Variants in SPAG16 observed in about 807,000 individuals in gnomAD.
The protein encoded by SPAG16 is sperm associated antigen 16, also known as sperm-associated antigen 16 protein.
Under a neutral mutation model 80.4 loss-of-function variants are expected in SPAG16, and 86 were observed. The observed-to-expected ratio is 1.07, with a 90% CI of 0.90 to 1.28. SPAG16 has a LOEUF of 1.28. Among genes scored for constraint, SPAG16 ranks in the 50% most tolerant of loss-of-function variants. The pLI is 0.00. For missense variants in SPAG16, 870 were observed against 765.3 expected (o/e 1.14, Z -1.61); for synonymous variants, 294 against 265.9 (o/e 1.11, Z -1.03).
chr2:213,871,232 C>T (rs1460280036), intron 11 of SPAG16, among the ~76,000 whole-genome samples: 1 of 151,988 alleles, frequency 6.6e-6, no homozygotes. Flanking sequence ...AGAAGCACTT[C>T]CAGAATGGCA....
At chr2:214,394,475 C>A (rs1701252751) in intron 15 of SPAG16, among the ~76,000 whole-genome samples, 1 of 152,124 alleles carries the variant, frequency 6.6e-6, no homozygotes, top group African/African-American at 2.4e-5. Context: ...AAAGCACCTA[C>A]TTTGAGCACT....
intron 10 of SPAG16, among the ~76,000 whole-genome samples, chr2:213,832,045 G>A (rs145314097): frequency 0.015 from 2,299 of 151,944 alleles, 67 homozygotes; most frequent in African/African-American, 0.053. Flanking sequence ...CACCCAGGAT[G>A]GAGTGCAGTG....
At chr2:213,904,967 A>G (rs2077377795) in intron 11 of SPAG16, among the ~76,000 whole-genome samples, 1 of 152,206 alleles carries the variant, frequency 6.6e-6, no homozygotes, top group Non-Finnish European at 1.5e-5. Context: ...GACAAGTGGC[A>G]TAAAAAGGAT....
rs184963962 is a variant in SPAG16 at position 214,011,546 on chromosome 2, C to T, written c.1401-2405C>T. 2.1e-3 allele frequency among the ~76,000 whole-genome samples: 322 copies of T among 152,228 alleles called. 2 individuals are homozygous for T. Among genetic ancestry groups the T allele is most frequent in the African/African-American group, 7.6e-3 (314 of 41,538 alleles). ...CAACTCTGTTACTGTAATGGGAAAG[C>T]AGCAATAGACAATATGTAAACAGAC... On this transcript the variant is annotated intron_variant, in intron 12 of 15. Coordinates refer to ENST00000331683, the MANE Select transcript of SPAG16 (RefSeq NM_024532.5).
intron 11 of SPAG16, among the ~76,000 whole-genome samples, chr2:213,888,829 G>A (rs1025558783): frequency 1.3e-5 from 2 of 151,766 alleles, no homozygotes; most frequent in Non-Finnish European, 2.9e-5. Context: ...AAACATATTT[G>A]GAGGAAAACA....
At chr2:214,254,959 A>C (rs1023127768) in intron 15 of SPAG16, among the ~76,000 whole-genome samples, 1 of 152,086 alleles carries the variant, frequency 6.6e-6, no homozygotes, top group African/African-American at 2.4e-5. Flanking sequence ...GAAAACCAGG[A>C]TCCAGTGCTG....
chr2:214,308,436 A>G (rs747257759), intron 15 of SPAG16, among the ~76,000 whole-genome samples: 6 of 152,168 alleles, frequency 3.9e-5, no homozygotes, highest in Non-Finnish European at 7.4e-5. Flanking sequence ...TTATGGTGTT[A>G]GATGATTATT....
At chr2:214,048,175 G>T (rs1286656851) in intron 13 of SPAG16, among the ~76,000 whole-genome samples, 2 of 152,116 alleles carry the variant, frequency 1.3e-5, no homozygotes, top group Non-Finnish European at 2.9e-5. Context: ...ATAAGATCTA[G>T]CAATCCCATG....
intron 15 of SPAG16, among the ~76,000 whole-genome samples, chr2:214,287,010 T>A (rs1402782252): frequency 2.0e-5 from 3 of 152,358 alleles, no homozygotes; most frequent in East Asian, 3.9e-4. Context: ...TATTTGGAGA[T>A]TAATAAAGTT....
intron 9 of SPAG16, among the ~76,000 whole-genome samples, chr2:213,386,796 A>C (rs1479419267): frequency 2.0e-5 from 3 of 152,216 alleles, no homozygotes; most frequent in African/African-American, 7.2e-5. Flanking sequence ...TTTTTTAGCC[A>C]ATCAGTGGAT....
At chr2:213,499,342 A>G (rs772553678) in intron 10 of SPAG16, among the ~76,000 whole-genome samples, 4 of 152,162 alleles carry the variant, frequency 2.6e-5, no homozygotes, top group East Asian at 1.9e-4. Flanking sequence ...AACAGATCCT[A>G]TGGATTCTAA....
Position 213,942,466 on chromosome 2 carries a change from T to A in SPAG16, c.1400+12321T>A, listed in dbSNP as rs566780857. On this transcript the variant is annotated intron_variant, in intron 12 of 15. Transcript: ENST00000331683. ...ATAGAAGAAATCAGAAGAACATTTT[T>A]ATTCTTCCACCACCAAATCCATCAA... Among the ~76,000 whole-genome samples the A allele has an allele frequency of 4.3e-4, 66 of 152,338 alleles. No homozygotes were observed. In the South Asian group the frequency reaches 0.013, roughly 30 times the overall value.
chr2:213,637,372 GT>G (rs2062405229), intron 10 of SPAG16, among the ~76,000 whole-genome samples: 2 of 152,156 alleles, frequency 1.3e-5, no homozygotes, highest in Non-Finnish European at 2.9e-5. Flanking sequence ...TTGCATCTAT[GT>G]TTATCAGGCA....
chr2:213,871,636 C>T (rs1191913503), intron 11 of SPAG16, among the ~76,000 whole-genome samples: 4 of 151,956 alleles, frequency 2.6e-5, no homozygotes, highest in Non-Finnish European at 5.9e-5. Flanking sequence ...AAGGCTAAGG[C>T]TAAGTTGTAA....
chr2:214,102,456 A>G (rs1195034948), intron 13 of SPAG16, among the ~76,000 whole-genome samples: 1 of 152,028 alleles, frequency 6.6e-6, no homozygotes, highest in Non-Finnish European at 1.5e-5. Flanking sequence ...GGACTACCCA[A>G]TTGTAAGGTC....
intron 9 of SPAG16, among the ~76,000 whole-genome samples, chr2:213,392,611 C>T (rs910759562): frequency 2.0e-5 from 3 of 152,024 alleles, no homozygotes; most frequent in African/African-American, 7.2e-5. Flanking sequence ...CTTTGGGAGG[C>T]CGAGGTGGGT....
At chr2:214,342,684 T>C (rs1157550820) in intron 15 of SPAG16, among the ~76,000 whole-genome samples, 2 of 152,112 alleles carry the variant, frequency 1.3e-5, no homozygotes, top group African/African-American at 2.4e-5. Context: ...TGTGCTTGAA[T>C]CATCCCAAAA....
At chr2:214,061,913 A>G (rs2050275240) in intron 13 of SPAG16, among the ~76,000 whole-genome samples, 2 of 151,626 alleles carry the variant, frequency 1.3e-5, no homozygotes, top group Non-Finnish European at 2.9e-5. Flanking sequence ...ACCCAACAAG[A>G]TAAAGTTCCC....
intron 13 of SPAG16, among the ~76,000 whole-genome samples, chr2:214,102,464 G>A (rs1252908334): frequency 6.6e-6 from 1 of 151,894 alleles, no homozygotes; most frequent in South Asian, 2.1e-4. Flanking sequence ...CAATTGTAAG[G>A]TCCCGAATGG....
Sources: gnomAD v4.1 joint callset for allele counts (sites outside exome capture counted in the v4.1 genomes callset) on GRCh38, gnomAD v4.1.1 for gene constraint, MANE v1.5 for transcripts, NCBI Gene and HGNC (gene_info 2026-07-23, HGNC 2026-07-21) for gene names.